TRAM2: variants seen among roughly 807,000 people sequenced by gnomAD.
The protein encoded by TRAM2 is translocating chain-associated membrane protein 2.
In TRAM2, 12 loss-of-function variants were observed where a neutral mutation model predicts 51.0. That is an observed-to-expected ratio of 0.24 (90% CI 0.15 to 0.38). The LOEUF (loss-of-function observed/expected upper bound fraction) is 0.38. Ranked by LOEUF, TRAM2 falls within the 10% of genes least tolerant of loss-of-function variation. The pLI is 1.00. For missense variants in TRAM2, 361 were observed against 462.0 expected, an observed-to-expected ratio of 0.78 and a Z score of 2.00; for synonymous variants, 175 against 179.4, an observed-to-expected ratio of 0.98 and a Z score of 0.20.
At chr6:52,526,009 C>T (rs922605635) in intron 2 of TRAM2, among the ~76,000 whole-genome samples, 2 of 152,138 alleles carry the variant, frequency 1.3e-5, no homozygotes, top group Non-Finnish European at 2.9e-5. Flanking sequence ...CCTTCCCTCA[C>T]AGCCCTCAGA....
chr6:52,526,921 AATT>A (rs1766791686), intron 2 of TRAM2, among the ~76,000 whole-genome samples: 1 of 152,194 alleles, frequency 6.6e-6, no homozygotes, highest in Non-Finnish European at 1.5e-5. Flanking sequence ...AACTTTTTAA[AATT>A]CATTGAGAGC....
intron 1 of TRAM2, among the ~76,000 whole-genome samples, chr6:52,568,084 G>C (rs1767618324): frequency 6.6e-6 from 1 of 152,178 alleles, no homozygotes; most frequent in African/African-American, 2.4e-5. Context: ...GTGAGCCCCA[G>C]AGAGGTGAAG....
At position 52,497,630 on chromosome 6, in the gene TRAM2, TC is replaced by T. The variant is rs1347581481; in HGVS notation, c.*5566del. 20 of 152,672 alleles carry T rather than the reference TC, an allele frequency of 1.3e-4. No homozygotes were observed. Among genetic ancestry groups the T allele is most frequent in the Admixed American group, 1.3e-3 (20 of 15,292 alleles). 9.5% of individuals were successfully genotyped at this position (152,672 alleles called of 1,614,324 possible). A position where few individuals can be genotyped will look rare whatever the true frequency, so the allele number is the denominator to read the frequency against. On this transcript the variant is annotated 3_prime_UTR_variant, in exon 11 of 11. Transcript: ENST00000182527. ...CGGCAGGTACAAATTTTCCTTGAGT[TC>T]CTTGTTGAAATTTGGTCCATATGAA...
intron 4 of TRAM2, among the ~76,000 whole-genome samples, chr6:52,511,915 G>A (rs370538400): frequency 1.6e-4 from 25 of 152,182 alleles, no homozygotes; most frequent in Non-Finnish European, 3.1e-4. Flanking sequence ...GTCACGTGCC[G>A]ATTGAGGAAT....
intron 6 of TRAM2, among the ~76,000 whole-genome samples, chr6:52,507,911 C>T (rs2114062212): frequency 6.6e-6 from 1 of 152,206 alleles, no homozygotes; most frequent in Admixed American, 6.5e-5. Flanking sequence ...GGAAATAATT[C>T]AGAAGGAAAC....
At chr6:52,519,643 G>T (rs904998006) in intron 2 of TRAM2, among the ~76,000 whole-genome samples, 2 of 152,162 alleles carry the variant, frequency 1.3e-5, no homozygotes, top group East Asian at 3.8e-4. Context: ...CCACTTCTGA[G>T]TGTTGGGGTA....
intron 1 of TRAM2, among the ~76,000 whole-genome samples, chr6:52,538,262 T>C (rs1469408613): frequency 1.3e-5 from 2 of 152,220 alleles, no homozygotes; most frequent in African/African-American, 4.8e-5. Flanking sequence ...ACATGTCTTT[T>C]AGAGCACAGG....
At chr6:52,562,311 G>A (rs1767515255) in intron 1 of TRAM2, among the ~76,000 whole-genome samples, 1 of 152,212 alleles carries the variant, frequency 6.6e-6, no homozygotes, top group Non-Finnish European at 1.5e-5. Flanking sequence ...GAAGCACAGG[G>A]AGAAAGGAGG....
In TRAM2 at chr6:52,498,052, T is replaced by C. The variant is rs1766123718; in HGVS notation, c.*5145A>G. The C allele has an allele frequency of 6.6e-6, 1 of 152,166 alleles. No homozygotes were observed. Among genetic ancestry groups the C allele is most frequent in the Non-Finnish European group, 1.5e-5 (1 of 68,022 alleles). 9.4% of individuals were successfully genotyped at this position (152,166 alleles called of 1,614,324 possible). A position where few individuals can be genotyped will look rare whatever the true frequency, so the allele number is the denominator to read the frequency against. ...TCCTCTTCAACACATTTTTTAAAAA[T>C]AGACCTCTAAGATGATGCTACATGT... On this transcript the variant is annotated 3_prime_UTR_variant, in exon 11 of 11. Transcript: ENST00000182527.
chr6:52,517,375 G>A (rs1009319918), intron 2 of TRAM2: 7 of 152,354 alleles, frequency 4.6e-5, no homozygotes, highest in Non-Finnish European at 8.8e-5. Context: ...ACATAGTTAA[G>A]TGCTATATAT....
At chr6:52,560,441 A>AT (rs539227018) in intron 1 of TRAM2, among the ~76,000 whole-genome samples, 12 of 152,026 alleles carry the variant, frequency 7.9e-5, no homozygotes, top group South Asian at 2.1e-4. Flanking sequence ...TTTGTAATCT[A>AT]TTTTTTTTGT....
At chr6:52,554,854 A>G (rs909754624) in intron 1 of TRAM2, among the ~76,000 whole-genome samples, 3 of 149,506 alleles carry the variant, frequency 2.0e-5, no homozygotes, top group Non-Finnish European at 2.9e-5. Context: ...CCACAGCCTC[A>G]ACCTCCCAGC....
At chr6:52,548,748 A>G (rs1378098502) in intron 1 of TRAM2, among the ~76,000 whole-genome samples, 1 of 152,228 alleles carries the variant, frequency 6.6e-6, no homozygotes, top group Non-Finnish European at 1.5e-5. Context: ...TGAGACCTTG[A>G]TGCATAAAGG....
chr6:52,542,280 A>ATTTTTTT lies in TRAM2; in HGVS notation c.121-6435_121-6434insAAAAAAA, dbSNP rs1247920817. 7.2e-5 allele frequency among the ~76,000 whole-genome samples: 9 copies of ATTTTTTT among 125,714 alleles called. No homozygotes were observed. In the East Asian group the frequency reaches 2.0e-3, roughly 28 times the overall value. 82.5% of individuals were successfully genotyped at this position (125,714 alleles called of 152,430 possible). A position where few individuals can be genotyped will look rare whatever the true frequency, so the allele number is the denominator to read the frequency against. ...TTTTTGGGTTTTTTTTTTTTTTAAA[A>ATTTTTTT]AAAATAGTCTTTTAGCCTTTTTTCC... On this transcript the variant is annotated intron_variant, in intron 1 of 10. Transcript: ENST00000182527.
chr6:52,560,791 A>G (rs1028156652), intron 1 of TRAM2, among the ~76,000 whole-genome samples: 4 of 152,190 alleles, frequency 2.6e-5, no homozygotes, highest in Admixed American at 2.6e-4. Flanking sequence ...ACTGGCCCTG[A>G]GCTATCACTC....
chr6:52,540,153 C>A (rs1767052482), intron 1 of TRAM2, among the ~76,000 whole-genome samples: 1 of 151,708 alleles, frequency 6.6e-6, no homozygotes, highest in South Asian at 2.1e-4. Flanking sequence ...GTGTCAGTTT[C>A]CCTGGTTTAT....
chr6:52,560,838 T>C (rs1330086606), intron 1 of TRAM2, among the ~76,000 whole-genome samples: 1 of 152,264 alleles, frequency 6.6e-6, no homozygotes, highest in African/African-American at 2.4e-5. Context: ...ATCGTTTTGA[T>C]GCTGGCTCCT....
chr6:52,504,800 A>C, intron 9 of TRAM2, 46 bp from the exon 10 acceptor site: 1 of 1,545,500 alleles, frequency 6.5e-7, no homozygotes, highest in Admixed American at 1.9e-5. Flanking sequence ...TTGGGCTCAC[A>C]GCCTTGGGCT....
At chr6:52,556,249 C>T (rs975825723) in intron 1 of TRAM2, among the ~76,000 whole-genome samples, 3 of 150,134 alleles carry the variant, frequency 2.0e-5, no homozygotes, top group African/African-American at 7.4e-5. Flanking sequence ...AAGCCCTCCG[C>T]AAACCCACTC....
Sources: gnomAD v4.1 joint callset for allele counts (sites outside exome capture counted in the v4.1 genomes callset) on GRCh38, gnomAD v4.1.1 for gene constraint, MANE v1.5 for transcripts, NCBI Gene and HGNC (gene_info 2026-07-23, HGNC 2026-07-21) for gene names.